The following GPHN variants were observed in gnomAD, a reference collection of about 807,000 sequenced individuals.
GPHN encodes gephyrin.
Under a neutral mutation model 95.5 loss-of-function variants are expected in GPHN, and 17 were observed. That is an observed-to-expected ratio of 0.18 (90% confidence interval 0.12 to 0.27). The LOEUF is 0.27. Among genes scored for constraint, GPHN ranks in the 10% least tolerant of loss-of-function variants. GPHN has a pLI of 1.00. For synonymous variants in GPHN, 320 were observed against 322.5 expected (o/e 0.99, Z 0.08); for missense variants, 660 against 978.1 (o/e 0.67, Z 4.34).
chr14:67,669,270 ATTT>A, the GPHN span, among the ~76,000 whole-genome samples: 7 of 139,984 alleles, frequency 5.0e-5, no homozygotes, highest in African/African-American at 1.1e-4. Flanking sequence ...CTTCTTCATA[ATTT>A]TTTTTTTTTT....
At chr14:67,110,060 TA>T (rs550214938) in intron 13 of GPHN, 79 bp from the exon 14 acceptor site, 15 of 1,237,918 alleles carry the variant, frequency 1.2e-5, no homozygotes, top group Non-Finnish European at 1.5e-5. Context: ...TTTTTAATAT[TA>T]AAAAAATTAA....
chr14:67,372,529 C>G, the GPHN span, among the ~76,000 whole-genome samples: 1 of 152,020 alleles, frequency 6.6e-6, no homozygotes, highest in Admixed American at 6.6e-5. Flanking sequence ...TCTTGAACAA[C>G]CTAAAAAATC....
chr14:66,556,278 A>AT (rs1047555125), intron 1 of GPHN, among the ~76,000 whole-genome samples: 6 of 152,118 alleles, frequency 3.9e-5, no homozygotes, highest in African/African-American at 1.2e-4. Flanking sequence ...CTTTTACACA[A>AT]TTTTTTGCCA....
chr14:66,570,213 A>G (rs2060627781), intron 1 of GPHN, among the ~76,000 whole-genome samples: 1 of 150,774 alleles, frequency 6.6e-6, no homozygotes, highest in Non-Finnish European at 1.5e-5. Context: ...AATTAGGTTG[A>G]TTCCATATCT....
intron 1 of GPHN, among the ~76,000 whole-genome samples, chr14:66,547,645 G>A (rs2059650437): frequency 6.6e-6 from 1 of 152,154 alleles, no homozygotes; most frequent in Admixed American, 6.5e-5. Flanking sequence ...TCGGTGTGGT[G>A]ATATATCCTG....
intron 1 of GPHN, among the ~76,000 whole-genome samples, chr14:66,678,973 T>G (rs2066778862): frequency 6.6e-6 from 1 of 152,238 alleles, no homozygotes; most frequent in Admixed American, 6.5e-5. Flanking sequence ...GCACAGGCAC[T>G]GGCAGTGTTA....
At chr14:67,381,437 C>T in the GPHN span, among the ~76,000 whole-genome samples, 140 of 152,298 alleles carry the variant, frequency 9.2e-4, no homozygotes, top group Non-Finnish European at 5.4e-4. Context: ...CACACTCCTC[C>T]TTGCCTCCCT....
chr14:67,715,228 G>C, the GPHN span: 2 of 151,760 alleles, frequency 1.3e-5, no homozygotes, highest in Non-Finnish European at 2.9e-5. Context: ...AAATAAAAGG[G>C]GGGGAGCCCC....
At chr14:67,128,923 T>C (rs1163698258) in intron 17 of GPHN, among the ~76,000 whole-genome samples, 1 of 151,714 alleles carries the variant, frequency 6.6e-6, no homozygotes. Context: ...CAAGCGATTC[T>C]CCTGCCTCAG....
At chr14:67,315,930 A>T in the GPHN span, among the ~76,000 whole-genome samples, 2 of 152,262 alleles carry the variant, frequency 1.3e-5, no homozygotes, top group African/African-American at 4.8e-5. Context: ...GTCTCAAAAG[A>T]TAACCAGGCT....
At chr14:66,820,089 A>G (rs948299032) in intron 3 of GPHN, among the ~76,000 whole-genome samples, 10 of 152,208 alleles carry the variant, frequency 6.6e-5, no homozygotes, top group African/African-American at 9.6e-5. Context: ...TGTTAACTAT[A>G]TGTTAAACCT....
chr14:67,338,790 T>C, the GPHN span: 1 of 1,584,896 alleles, frequency 6.3e-7, no homozygotes, highest in Non-Finnish European at 8.6e-7. Flanking sequence ...GGGTGGATTT[T>C]TTAAACACTG....
chr14:67,590,249 A>AT, the GPHN span: 32,177 of 730,570 alleles, frequency 0.044, 95 homozygotes, highest in African/African-American at 0.069. Context: ...CCACTTGCAA[A>AT]TTTTTTTTTT....
intron 2 of GPHN, among the ~76,000 whole-genome samples, chr14:66,707,122 C>G (rs1448875454): frequency 6.6e-6 from 1 of 150,822 alleles, no homozygotes; most frequent in Non-Finnish European, 1.5e-5. Context: ...GATACCATCT[C>G]ACGCCAGTCA....
the GPHN span, among the ~76,000 whole-genome samples, chr14:67,670,205 C>T: frequency 6.6e-6 from 1 of 152,184 alleles, no homozygotes; most frequent in Non-Finnish European, 1.5e-5. Context: ...CCATTAATGC[C>T]CTCCTTCTAA....
At chr14:67,123,413 G>A (rs369394738) in intron 17 of GPHN, among the ~76,000 whole-genome samples, 11 of 152,288 alleles carry the variant, frequency 7.2e-5, no homozygotes, top group East Asian at 5.8e-4. Context: ...AGTGGCTCAC[G>A]CCTGTAATCC....
chr14:67,713,014 A>G, the GPHN span, among the ~76,000 whole-genome samples: 1 of 152,098 alleles, frequency 6.6e-6, no homozygotes, highest in Non-Finnish European at 1.5e-5. Context: ...TTTGGATTTG[A>G]TCAAGTTGGA....
the GPHN span, among the ~76,000 whole-genome samples, chr14:67,381,157 C>T: frequency 2.0e-5 from 3 of 152,278 alleles, no homozygotes; most frequent in African/African-American, 7.2e-5. Context: ...AGGAATCTTT[C>T]TCATTCTTTT....
At chr14:67,352,999 G>A in the GPHN span, 1 of 1,614,062 alleles carries the variant, frequency 6.2e-7, no homozygotes. Flanking sequence ...GTTTCGACCT[G>A]TCTGTGCTCC....
Sources: gnomAD v4.1 joint callset for allele counts (sites outside exome capture counted in the v4.1 genomes callset) on GRCh38, gnomAD v4.1.1 for gene constraint, MANE v1.5 for transcripts, NCBI Gene and HGNC (gene_info 2026-07-23, HGNC 2026-07-21) for gene names.